Variants in NFXL1 observed in about 807,000 individuals in gnomAD.
NFXL1 encodes nuclear transcription factor, X-box binding like 1.
A neutral mutation model predicts 123.3 loss-of-function variants in NFXL1; 66 were observed. The ratio of observed to expected loss-of-function variants is 0.54; its 90% CI spans 0.44 to 0.66. The LOEUF is 0.66. Among genes scored for constraint, NFXL1 ranks in the 30% least tolerant of loss-of-function variants. The pLI, the probability that NFXL1 is intolerant of heterozygous loss-of-function variation, is 0.00. For synonymous variants in NFXL1, 346 were observed against 360.8 expected, an observed-to-expected ratio of 0.96 and a Z score of 0.46; for missense variants, 944 against 1,125.6, an observed-to-expected ratio of 0.84 and a Z score of 2.31.
chr4:47,885,731 T>C (rs1736391859), intron 13 of NFXL1, 74 bp from the exon 14 acceptor site: 2 of 1,397,904 alleles, frequency 1.4e-6, no homozygotes, highest in Non-Finnish European at 1.0e-6. Flanking sequence ...CAATTATCTA[T>C]TTACATATCT....
chr4:47,877,540 T>C (rs909580938), intron 17 of NFXL1, among the ~76,000 whole-genome samples: 47 of 152,072 alleles, frequency 3.1e-4, no homozygotes, highest in Non-Finnish European at 2.8e-4. Context: ...AGCTACACCC[T>C]AACTAGTTAA....
intron 12 of NFXL1, among the ~76,000 whole-genome samples, chr4:47,887,253 T>C (rs1736491031): frequency 6.6e-6 from 1 of 152,060 alleles, no homozygotes; most frequent in Non-Finnish European, 1.5e-5. Context: ...AATGAAGAAA[T>C]GAATATCTTA....
At chr4:47,870,782 G>A (rs1339512577) in intron 18 of NFXL1, among the ~76,000 whole-genome samples, 1 of 152,036 alleles carries the variant, frequency 6.6e-6, no homozygotes, top group Non-Finnish European at 1.5e-5. Flanking sequence ...TAAGTCCTGG[G>A]CTAGGATATG....
intron 8 of NFXL1, 124 bp downstream of exon 8, chr4:47,898,633 C>T (rs1314747328): frequency 3.1e-6 from 2 of 639,078 alleles, no homozygotes; most frequent in African/African-American, 3.7e-5. Context: ...TGATATAATT[C>T]ATCTGAGTTG....
chr4:47,913,264 G>T (rs919711318), intron 2 of NFXL1, among the ~76,000 whole-genome samples: 1 of 152,138 alleles, frequency 6.6e-6, no homozygotes, highest in Non-Finnish European at 1.5e-5. Flanking sequence ...ACAATTGTGT[G>T]TAAGTCCTCC....
chr4:47,866,386 C>A (rs1197327487), intron 18 of NFXL1, among the ~76,000 whole-genome samples: 3 of 152,204 alleles, frequency 2.0e-5, no homozygotes, highest in South Asian at 4.1e-4. Context: ...TTTTCCCACA[C>A]TGGCAAGAGA....
chr4:47,912,406 C>A (rs887656754), intron 2 of NFXL1, among the ~76,000 whole-genome samples: 1 of 151,912 alleles, frequency 6.6e-6, no homozygotes, highest in Non-Finnish European at 1.5e-5. Context: ...TTATTTCTTA[C>A]AGCCAAATCT....
intron 16 of NFXL1, 63 bp downstream of exon 16, chr4:47,879,033 G>A (rs1340026690): frequency 2.2e-6 from 2 of 918,108 alleles, no homozygotes; most frequent in Non-Finnish European, 3.4e-6. Context: ...CTCTAGTAAA[G>A]TTATACTAGT....
intron 11 of NFXL1, among the ~76,000 whole-genome samples, chr4:47,893,760 CTAAG>C (rs1365283092): frequency 3.3e-5 from 5 of 151,486 alleles, no homozygotes; most frequent in African/African-American, 9.7e-5. Flanking sequence ...TGAAAAGCAC[CTAAG>C]TAAGTATGAT....
chr4:47,858,611 CA>C (rs1411510620), intron 19 of NFXL1, among the ~76,000 whole-genome samples: 1 of 152,150 alleles, frequency 6.6e-6, no homozygotes, highest in African/African-American at 2.4e-5. Context: ...CACAAAAGTG[CA>C]TACTTTTAAA....
chr4:47,877,865 C>T (rs1735848701), intron 17 of NFXL1, among the ~76,000 whole-genome samples: 1 of 151,918 alleles, frequency 6.6e-6, no homozygotes, highest in South Asian at 2.1e-4. Context: ...CTCATTTAGA[C>T]ACTAGTATTA....
At position 47,848,264 on chromosome 4, in the gene NFXL1, C is replaced by A. The variant is rs1425566771; in HGVS notation, c.2635G>T (p.Val879Phe). The A allele has an allele frequency of 1.9e-6, 3 of 1,612,716 alleles. No individual in the cohort carries two copies. The highest frequency in any genetic ancestry group is 1.3e-5 in the African/African-American group (1 of 74,880). The change falls in exon 23 of 23, where the codon GTT becomes TTT. Residue 879 changes from valine to phenylalanine, a missense_variant. Around this residue, in one of 4 missense-constraint regions of NFXL1, gnomAD observed 301 missense variants for 348.0 expected, o/e 0.86. Coordinates refer to ENST00000507489, the MANE Select transcript of NFXL1 (RefSeq NM_001278624.2). ...KKNRKRDEVA[V>F]ELSLWQKHKY... is the part of the protein sequence containing the mutation. ...TGTTTTTGCCATAGTGATAGCTCAACTGCCACTTCATCTCTTTTCCTGTTC... is the reference window on the plus strand; with the variant it reads ...TGTTTTTGCCATAGTGATAGCTCAAATGCCACTTCATCTCTTTTCCTGTTC...
chr4:47,864,095 T>C (rs1734918329), intron 18 of NFXL1, among the ~76,000 whole-genome samples: 1 of 152,220 alleles, frequency 6.6e-6, no homozygotes. Context: ...ACAAAGTTTT[T>C]ATGCTGGCTC....
chr4:47,871,277 T>C (rs1257376103), intron 18 of NFXL1, among the ~76,000 whole-genome samples: 2 of 147,086 alleles, frequency 1.4e-5, no homozygotes, highest in Non-Finnish European at 1.5e-5. Context: ...GGCGTGAACC[T>C]GGGAGGCGGA....
rs963689877 is a variant in NFXL1 at position 47,911,009 on chromosome 4, A to G, written c.236-15T>C. On this transcript the variant is annotated splice_polypyrimidine_tract_variant and intron_variant, in intron 2 of 22. Coordinates refer to ENST00000507489, the MANE Select transcript of NFXL1 (RefSeq NM_001278624.2). ...AGACATTAGCTCTGTTTAAAAGAAA[A>G]AAGTTTCATTTCTGCAAAACAATCT... is the stretch of plus-strand genomic sequence containing the variant. 1.3e-6 allele frequency: 2 copies of G among 1,487,772 alleles called. No homozygotes were observed. The highest frequency in any genetic ancestry group is 2.8e-5 in the African/African-American group (2 of 70,564). The allele number at this position is 1,487,772 out of a possible 1,614,324, so 92.2% of individuals were successfully genotyped here.
At chr4:47,898,560 G>A (rs968937316) in intron 8 of NFXL1, among the ~76,000 whole-genome samples, 197 bp downstream of exon 8, 16 of 152,052 alleles carry the variant, frequency 1.1e-4, no homozygotes, top group African/African-American at 3.6e-4. Flanking sequence ...CTGTTACTTT[G>A]AAAAAAATTT....
chr4:47,897,686 C>T (rs1737162685), intron 9 of NFXL1, among the ~76,000 whole-genome samples: 1 of 152,014 alleles, frequency 6.6e-6, no homozygotes, highest in South Asian at 2.1e-4. Context: ...ATATATCCAC[C>T]ATTATAGTAT....
At chr4:47,871,016 A>G (rs772236516) in intron 18 of NFXL1, among the ~76,000 whole-genome samples, 71 of 150,998 alleles carry the variant, frequency 4.7e-4, no homozygotes, top group Non-Finnish European at 8.7e-4. Context: ...GAGCTCTTAC[A>G]GTAAAATGTC....
intron 1 of NFXL1, 68 bp from the exon 2 acceptor site, chr4:47,914,273 G>A: frequency 1.6e-6 from 2 of 1,250,818 alleles, no homozygotes; most frequent in African/African-American, 3.0e-5. Flanking sequence ...GGCGAAGGAG[G>A]GTCAGTGCGG....
Sources: allele counts gnomAD v4.1 joint callset (sites outside exome capture counted in the v4.1 genomes callset), GRCh38; gene constraint gnomAD v4.1.1; regional missense constraint gnomAD v4.1.1; transcripts MANE v1.5; gene names NCBI Gene and HGNC (gene_info 2026-07-23, HGNC 2026-07-21).